The following GLYATL2 variants were observed in gnomAD, a reference collection of about 807,000 sequenced individuals.
GLYATL2 encodes the protein glycine N-acyltransferase-like protein 2.
GLYATL2 carries 25 observed loss-of-function variants against 21.4 expected under a neutral mutation model. That is an observed-to-expected ratio of 1.17 (90% CI 0.85 to 1.63). GLYATL2 has a LOEUF of 1.63. GLYATL2 is among the 40% of genes most tolerant of loss of function. GLYATL2 has a pLI of 0.00. For missense variants in GLYATL2, 361 were observed against 343.3 expected (o/e 1.05, Z -0.41); for synonymous variants, 114 against 118.2 (o/e 0.96, Z 0.23).
chr11:58,902,713 T>G (rs1439667752), intron 1 of GLYATL2, among the ~76,000 whole-genome samples: 1 of 152,188 alleles, frequency 6.6e-6, no homozygotes, highest in Non-Finnish European at 1.5e-5. Context: ...AACGACCAGT[T>G]ACTTGGCCAA....
At chr11:58,890,729 T>C (rs1854527843) in intron 1 of GLYATL2, among the ~76,000 whole-genome samples, 1 of 151,956 alleles carries the variant, frequency 6.6e-6, no homozygotes, top group African/African-American at 2.4e-5. Context: ...TCTATTATAA[T>C]TATTTTTTTC....
chr11:58,880,401 T>G (rs899286029), intron 1 of GLYATL2, among the ~76,000 whole-genome samples: 7 of 152,124 alleles, frequency 4.6e-5, no homozygotes, highest in Non-Finnish European at 1.0e-4. Flanking sequence ...TGGACAAAGA[T>G]GTGGCAGCTG....
intron 1 of GLYATL2, among the ~76,000 whole-genome samples, chr11:58,843,490 G>T (rs1238814006): frequency 6.6e-6 from 1 of 152,072 alleles, no homozygotes; most frequent in African/African-American, 2.4e-5. Context: ...AAGCAGAGAA[G>T]ACAAATTAAA....
At chr11:58,867,373 C>G (rs1854040763) in intron 1 of GLYATL2, among the ~76,000 whole-genome samples, 1 of 148,686 alleles carries the variant, frequency 6.7e-6, no homozygotes, top group African/African-American at 2.4e-5. Flanking sequence ...TGAATATGTT[C>G]TCTCCATTCT....
At chr11:58,871,997 CT>C (rs1854130834) in intron 1 of GLYATL2, among the ~76,000 whole-genome samples, 1 of 152,168 alleles carries the variant, frequency 6.6e-6, no homozygotes, top group African/African-American at 2.4e-5. Flanking sequence ...GAAATGGTAT[CT>C]CATTGTGGTT....
chr11:58,873,363 C>G (rs1854161982), intron 1 of GLYATL2, among the ~76,000 whole-genome samples: 1 of 152,018 alleles, frequency 6.6e-6, no homozygotes, highest in African/African-American at 2.4e-5. Flanking sequence ...TGTCTTGTGC[C>G]AGTTTTCAAA....
rs184163526 is a variant in GLYATL2, at chr11:58,874,353, C to T, written n.60+29803G>A. ...TAGCTTTTGAATGTGTTTGCTTTTG[C>T]TTCTCTAGTTCTTTTAATTGTGATG... On this transcript the variant is annotated intron_variant and non_coding_transcript_variant, in intron 1 of 4. Transcript: ENST00000533636. Among the ~76,000 whole-genome samples, 237 of 152,232 alleles carry T rather than the reference C, an allele frequency of 1.6e-3. 2 individuals are homozygous for T. The highest frequency in any genetic ancestry group is 5.4e-3 in the African/African-American group (224 of 41,522).
chr11:58,886,505 C>G (rs1854443065), intron 1 of GLYATL2, among the ~76,000 whole-genome samples: 1 of 152,190 alleles, frequency 6.6e-6, no homozygotes, highest in South Asian at 2.1e-4. Flanking sequence ...CTCTGAGTTT[C>G]ATCATCTGTT....
intron 1 of GLYATL2, among the ~76,000 whole-genome samples, chr11:58,888,430 AG>A (rs1854481153): frequency 6.6e-6 from 1 of 152,140 alleles, no homozygotes; most frequent in South Asian, 2.1e-4. Flanking sequence ...TTAATCTTAC[AG>A]TGAGTTAATT....
chr11:58,863,536 G>A (rs1250812439), intron 1 of GLYATL2, among the ~76,000 whole-genome samples: 1 of 152,164 alleles, frequency 6.6e-6, no homozygotes, highest in Non-Finnish European at 1.5e-5. Flanking sequence ...TGGACCCTGA[G>A]TTTATTGGAT....
chr11:58,835,868 C>T (rs564789605), intron 5 of GLYATL2, among the ~76,000 whole-genome samples: 262 of 152,286 alleles, frequency 1.7e-3, no homozygotes, highest in African/African-American at 6.1e-3. Flanking sequence ...CCCCATTTAT[C>T]ATTTTCCCTG....
At chr11:58,895,860 T>A (rs1854625660) in intron 1 of GLYATL2, among the ~76,000 whole-genome samples, 1 of 121,056 alleles carries the variant, frequency 8.3e-6, no homozygotes, top group South Asian at 2.9e-4. Context: ...AGGTTTCCTC[T>A]TTTTTTTTTT....
chr11:58,837,128 T>A lies in GLYATL2; in HGVS notation c.363A>T (p.Lys121Asn). The change falls in exon 5 of 6, where the codon AAA becomes AAT. Residue 121 changes from lysine (K) to asparagine (N), a missense_variant. Physicochemically the swap from Lys to Asn is moderately conservative, Grantham distance 94. Transcript: ENST00000287275. ...DEAIRKVATS[K>N]SVQVDYMKTI... The stretch of plus-strand genomic sequence containing the variant: ...TTTTCATGTAATCTACCTGCACTGA[T>A]TTTGAAGTTGCAACCTTTCTTATTG... 6.2e-7 allele frequency: 1 copy of A among 1,613,972 alleles called. No homozygotes were observed. The highest frequency in any genetic ancestry group is 2.2e-5 in the East Asian group (1 of 44,870).
upstream of GLYATL2, among the ~76,000 whole-genome samples, chr11:58,904,796 C>G (rs1854820747): frequency 6.6e-6 from 1 of 152,214 alleles, no homozygotes; most frequent in Non-Finnish European, 1.5e-5. Flanking sequence ...GAAACATGCT[C>G]ATGATTCCAC....
chr11:58,859,831 A>T (rs1853900117), intron 1 of GLYATL2, among the ~76,000 whole-genome samples: 1 of 152,144 alleles, frequency 6.6e-6, no homozygotes, highest in Admixed American at 6.5e-5. Flanking sequence ...AATTTTCCAA[A>T]TGTGGATATG....
At chr11:58,875,276 T>C (rs570396341) in intron 1 of GLYATL2, among the ~76,000 whole-genome samples, 1 of 152,228 alleles carries the variant, frequency 6.6e-6, no homozygotes, top group African/African-American at 2.4e-5. Context: ...ATTGGAGCAT[T>C]TAGCCCATTT....
At chr11:58,863,217 C>T (rs577120986) in intron 1 of GLYATL2, among the ~76,000 whole-genome samples, 2 of 152,278 alleles carry the variant, frequency 1.3e-5, no homozygotes, top group South Asian at 4.1e-4. Context: ...AAGCATGGGT[C>T]CACAGGGGCT....
At chr11:58,903,142 G>A (rs1854768059) in intron 1 of GLYATL2, among the ~76,000 whole-genome samples, 1 of 152,106 alleles carries the variant, frequency 6.6e-6, no homozygotes, top group Non-Finnish European at 1.5e-5. Flanking sequence ...CAAATGAAGA[G>A]GAATTAGAAG....
At position 58,901,424 on chromosome 11, in the gene GLYATL2, T is replaced by C. The variant is rs77025522; in HGVS notation, n.60+2732A>G. On this transcript the variant is annotated intron_variant and non_coding_transcript_variant, in intron 1 of 4. Transcript: ENST00000533636. ...ATTACTGGGCCTCACCCCAGACCTA[T>C]TGAACTTAAATATATTTGGGTTCCC... Among the ~76,000 whole-genome samples the C allele has an allele frequency of 8.5e-3, 1,294 of 152,292 alleles. 18 individuals carry two copies. The highest frequency in any genetic ancestry group is 0.05 in the South Asian group (241 of 4,824).
Sources: allele counts gnomAD v4.1 joint callset (sites outside exome capture counted in the v4.1 genomes callset), GRCh38; gene constraint gnomAD v4.1.1; transcripts MANE v1.5; gene names NCBI Gene and HGNC (gene_info 2026-07-23, HGNC 2026-07-21).